The following C19orf18 variants were observed in gnomAD, a reference collection of about 807,000 sequenced individuals.
The protein encoded by C19orf18 is chromosome 19 open reading frame 18.
Under a neutral mutation model 23.3 loss-of-function variants are expected in C19orf18, and 21 were observed. The ratio of observed to expected loss-of-function variants is 0.90; its 90% CI spans 0.64 to 1.30. C19orf18 has a LOEUF of 1.30. Among genes scored for constraint, C19orf18 ranks in the 50% most tolerant of loss-of-function variants. The pLI is 0.00. For synonymous variants in C19orf18, 96 were observed against 95.2 expected, an observed-to-expected ratio of 1.01 and a Z score of -0.05; for missense variants, 249 against 259.6, an observed-to-expected ratio of 0.96 and a Z score of 0.28.
At chr19:57,968,311 A>C (rs1204185976) in intron 3 of C19orf18, among the ~76,000 whole-genome samples, 1 of 152,200 alleles carries the variant, frequency 6.6e-6, no homozygotes, top group Non-Finnish European at 1.5e-5. Flanking sequence ...TTAGGATTTC[A>C]ATACTTGAAT....
intron 3 of C19orf18, 62 bp from the exon 4 acceptor site, chr19:57,966,694 T>A: frequency 8.7e-7 from 1 of 1,153,122 alleles, no homozygotes; most frequent in Non-Finnish European, 1.3e-6. Flanking sequence ...GTCTTTCAGT[T>A]AATATATTTG....
At position 57,958,578 on chromosome 19, in the gene C19orf18, A is replaced by C; in HGVS notation, c.*24T>G. 1 of 1,500,190 alleles carries C rather than the reference A, an allele frequency of 6.7e-7. No individual in the cohort carries two copies. The highest frequency in any genetic ancestry group is 9.2e-7 in the Non-Finnish European group (1 of 1,092,160). 92.9% of individuals were successfully genotyped at this position (1,500,190 alleles called of 1,614,324 possible). On this transcript the variant is annotated 3_prime_UTR_variant, in exon 6 of 6. Transcript: ENST00000314391. ...ACCCCCATAGTTTCTCCTCTGCCTC[A>C]GCCGGCACCTCTGTCGTCTGCGTTC...
At position 57,974,313 on chromosome 19, in the gene C19orf18, T is replaced by C; in HGVS notation, c.120A>G (p.Pro40=). 6.2e-7 allele frequency: 1 copy of C among 1,614,196 alleles called. No individual in the cohort carries two copies. ...CATAAAACCAGTGGTTGAAGCTACC[T>C]GGTAAGCCTGTTATGTTTCCAGTGG... ...LHPTGNITGL[P]GSKRSQPPRN... The change falls in exon 1 of 6, where the codon CCA becomes CCG. Residue 40 remains proline (P), a splice_region_variant and synonymous_variant. Transcript: ENST00000314391.
chr19:57,961,198 G>A (rs925771200), intron 5 of C19orf18, among the ~76,000 whole-genome samples, 193 bp downstream of exon 5: 4 of 151,604 alleles, frequency 2.6e-5, no homozygotes, highest in Non-Finnish European at 5.9e-5. Context: ...TCGCGCCACT[G>A]CACTCCAGCC....
chr19:57,972,543 T>C (rs1342161581), intron 2 of C19orf18, 39 bp from the exon 3 acceptor site: 2 of 1,595,754 alleles, frequency 1.3e-6, no homozygotes, highest in Non-Finnish European at 1.7e-6. Flanking sequence ...GAAGAGACTT[T>C]AAGATGGTTT....
intron 3 of C19orf18, among the ~76,000 whole-genome samples, chr19:57,967,946 A>T (rs796925232): frequency 1.2e-4 from 18 of 152,276 alleles, no homozygotes; most frequent in African/African-American, 4.1e-4. Flanking sequence ...CAGGAGGTGG[A>T]GGTTGCAGTG....
intron 3 of C19orf18, among the ~76,000 whole-genome samples, chr19:57,968,116 G>A (rs1315291916): frequency 6.6e-6 from 1 of 152,270 alleles, no homozygotes; most frequent in African/African-American, 2.4e-5. Flanking sequence ...TTTGGTGGCT[G>A]GCGAGGGTTC....
chr19:57,961,455 G>C lies in C19orf18; in HGVS notation c.468C>G (p.Asp156Glu). 4 of 1,614,072 alleles carry C rather than the reference G, an allele frequency of 2.5e-6. No individual in the cohort carries two copies. The highest frequency in any genetic ancestry group is 3.4e-6 in the Non-Finnish European group (4 of 1,180,024). Residue 156 changes from aspartate to glutamate, a missense_variant, in exon 5 of 6, where the codon GAC becomes GAG. By Grantham distance (45) the Asp-to-Glu change is conservative. Coordinates refer to ENST00000314391, the MANE Select transcript of C19orf18 (RefSeq NM_152474.5). The part of the protein sequence containing the change: ...LLGDEEEGSE[D>E]EGESTHLLPE... The stretch of plus-strand genomic sequence containing the variant: ...GAAGTAGGTGCGTGGACTCACCCTC[G>C]TCCTCTGAGCCCTCTTCTTCATCTC...
At chr19:57,972,417 C>T in intron 3 of C19orf18, 46 bp downstream of exon 3, 1 of 1,605,242 alleles carries the variant, frequency 6.2e-7, no homozygotes, top group African/African-American at 1.3e-5. Flanking sequence ...ACGACAGCTT[C>T]AGGAATGTTG....
At chr19:57,971,760 C>T (rs542392498) in intron 3 of C19orf18, among the ~76,000 whole-genome samples, 14 of 152,218 alleles carry the variant, frequency 9.2e-5, no homozygotes, top group Non-Finnish European at 1.8e-4. Context: ...GATGAGCCAC[C>T]GCACCCGGCC....
chr19:57,965,115 T>TA (rs1464260031), intron 4 of C19orf18, among the ~76,000 whole-genome samples: 1 of 124,230 alleles, frequency 8.0e-6, no homozygotes, highest in Non-Finnish European at 1.7e-5. Context: ...AAGTTCTTTT[T>TA]ATTTTATTTA....
chr19:57,972,033 AGAG>A (rs2072948574), intron 3 of C19orf18, among the ~76,000 whole-genome samples: 1 of 152,198 alleles, frequency 6.6e-6, no homozygotes, highest in African/African-American at 2.4e-5. Flanking sequence ...GCAAATGTGC[AGAG>A]GAGAAGGAAG....
At position 57,973,192 on chromosome 19, in the gene C19orf18, G is replaced by A. The variant is rs530443060; in HGVS notation, c.227-688C>T. 1.2e-3 allele frequency among the ~76,000 whole-genome samples: 150 copies of A among 120,796 alleles called. 2 individuals are homozygous for A. Among genetic ancestry groups the A allele is most frequent in the Middle Eastern group, 7.0e-3 (1 of 142 alleles). The allele number at this position is 120,796 out of a possible 152,430, so 79.2% of individuals were successfully genotyped here. On this transcript the variant is annotated intron_variant, in intron 2 of 5. Transcript: ENST00000314391. ...AAAAAAAAAAAAAAAAAAAGGATCA[G>A]AGAGCCAGGCAGAGAGGCCAGGGAA...
At chr19:57,961,335 C>A in intron 5 of C19orf18, 56 bp downstream of exon 5, 1 of 1,497,864 alleles carries the variant, frequency 6.7e-7, no homozygotes, top group South Asian at 1.3e-5. Flanking sequence ...AAAAGAAACG[C>A]AAGCTGCCGC....
At chr19:57,964,603 C>T (rs1048261024) in intron 4 of C19orf18, among the ~76,000 whole-genome samples, 5 of 152,090 alleles carry the variant, frequency 3.3e-5, no homozygotes, top group Admixed American at 2.0e-4. Flanking sequence ...ATAAATTAAG[C>T]GGATGTAGTG....
At chr19:57,971,487 A>T (rs570099443) in intron 3 of C19orf18, among the ~76,000 whole-genome samples, 84 of 151,952 alleles carry the variant, frequency 5.5e-4, no homozygotes, top group African/African-American at 1.8e-3. Context: ...TGTTTTTTTT[A>T]AAAAAGACAG....
Position 57,974,451 on chromosome 19 carries a change from A to C in C19orf18, c.-19T>G. The C allele has an allele frequency of 6.3e-7, 1 of 1,599,832 alleles. No individual in the cohort carries two copies. Among genetic ancestry groups the C allele is most frequent in the Non-Finnish European group, 8.5e-7 (1 of 1,178,464 alleles). ...TGTCCATCACTCTCAAATTATCAGTATTTTATCCCGTAGATGAAAGGAAAT... is the reference window on the plus strand; with the variant it reads ...TGTCCATCACTCTCAAATTATCAGTCTTTTATCCCGTAGATGAAAGGAAAT... On this transcript the variant is annotated 5_prime_UTR_variant, in exon 1 of 6. Transcript: ENST00000314391.
chr19:57,974,274 T>C, intron 1 of C19orf18, 38 bp downstream of exon 1: 1 of 1,613,668 alleles, frequency 6.2e-7, no homozygotes. Context: ...AGCTTTTCAA[T>C]TCTCCCTGAG....
chr19:57,965,797 A>G lies in C19orf18; in HGVS notation c.371+733T>C, dbSNP rs535558575. ...AAAATAAAATAAAATAAAATACTGA[A>G]TTTTGGGAGGATGCTAGCATCTCAA... On this transcript the variant is annotated intron_variant, in intron 4 of 5. Coordinates refer to ENST00000314391, the MANE Select transcript of C19orf18 (RefSeq NM_152474.5). 2.6e-5 allele frequency among the ~76,000 whole-genome samples: 4 copies of G among 152,146 alleles called. No homozygotes were observed. In the South Asian group the frequency reaches 8.3e-4, roughly 32 times the overall value.
Sources: allele counts gnomAD v4.1 joint callset (sites outside exome capture counted in the v4.1 genomes callset), GRCh38; gene constraint gnomAD v4.1.1; transcripts MANE v1.5; gene names NCBI Gene and HGNC (gene_info 2026-07-23, HGNC 2026-07-21).